DPP10: variants seen among roughly 807,000 people sequenced by gnomAD.
DPP10 encodes dipeptidyl peptidase like 10, also known as inactive dipeptidyl peptidase 10.
In DPP10, 33 loss-of-function variants were observed where a neutral mutation model predicts 120.9. That is an observed-to-expected ratio of 0.27 (90% CI 0.21 to 0.37). The LOEUF (loss-of-function observed/expected upper bound fraction) is 0.37, where lower values mean the gene tolerates loss of function less well. Among genes scored for constraint, DPP10 ranks in the 10% least tolerant of loss-of-function variants. DPP10 has a pLI of 1.00. For synonymous variants in DPP10, 337 were observed against 326.1 expected (o/e 1.03, Z -0.36); for missense variants, 816 against 942.8 (o/e 0.87, Z 1.76).
At chr2:114,980,531 G>A (rs1364466107) in intron 1 of DPP10, among the ~76,000 whole-genome samples, 6 of 149,864 alleles carry the variant, frequency 4.0e-5, no homozygotes, top group African/African-American at 9.9e-5. Context: ...AAGGGCAAGC[G>A]ATACATTAGG....
intron 7 of DPP10, among the ~76,000 whole-genome samples, chr2:115,691,514 T>A (rs2091313382): frequency 1.3e-5 from 2 of 152,174 alleles, no homozygotes; most frequent in South Asian, 4.1e-4. Context: ...AGTGTTATGC[T>A]GTACATATCC....
At chr2:114,803,300 G>A (rs1445395494) in intron 1 of DPP10, among the ~76,000 whole-genome samples, 2 of 152,138 alleles carry the variant, frequency 1.3e-5, no homozygotes, top group Non-Finnish European at 2.9e-5. Context: ...CCCATCTTGG[G>A]TATGTCTTTA....
chr2:115,088,750 C>CCAAAA (rs769249185), intron 1 of DPP10, among the ~76,000 whole-genome samples: 1 of 65,044 alleles, frequency 1.5e-5, no homozygotes, highest in African/African-American at 5.6e-5. Context: ...CTGTGCCTGA[C>CCAAAA]AAAAAAAAAA....
intron 1 of DPP10, among the ~76,000 whole-genome samples, chr2:114,505,439 C>T (rs996380128): frequency 2.0e-5 from 3 of 151,098 alleles, no homozygotes; most frequent in African/African-American, 7.3e-5. Flanking sequence ...GGGAGAGCAC[C>T]TTTCTCAAAT....
At chr2:114,798,402 A>C (rs936468173) in intron 1 of DPP10, among the ~76,000 whole-genome samples, 2 of 152,244 alleles carry the variant, frequency 1.3e-5, no homozygotes, top group African/African-American at 4.8e-5. Context: ...TAAAGTAATC[A>C]TACAATTTAA....
At chr2:115,507,114 C>T (rs1019202887) in intron 4 of DPP10, among the ~76,000 whole-genome samples, 4 of 152,040 alleles carry the variant, frequency 2.6e-5, no homozygotes, top group African/African-American at 9.7e-5. Context: ...TACTCTACTT[C>T]TCTTCTTTCC....
At chr2:115,219,437 C>T (rs771905651) in intron 1 of DPP10, among the ~76,000 whole-genome samples, 1 of 152,128 alleles carries the variant, frequency 6.6e-6, no homozygotes, top group Non-Finnish European at 1.5e-5. Flanking sequence ...TGTATACACA[C>T]ACACAAACAC....
chr2:114,718,033 G>A (rs1484562491), intron 1 of DPP10, among the ~76,000 whole-genome samples: 5 of 151,272 alleles, frequency 3.3e-5, no homozygotes, highest in Non-Finnish European at 7.4e-5. Context: ...CTCTTTCTAT[G>A]TTTCTGGAAA....
intron 3 of DPP10, among the ~76,000 whole-genome samples, chr2:115,388,872 A>G (rs770216147): frequency 6.6e-5 from 10 of 152,188 alleles, no homozygotes; most frequent in Non-Finnish European, 1.3e-4. Context: ...CAATAGTCCA[A>G]AAAATACACA....
intron 1 of DPP10, among the ~76,000 whole-genome samples, chr2:114,556,491 G>A (rs1050967669): frequency 1.3e-5 from 2 of 151,796 alleles, no homozygotes; most frequent in South Asian, 4.2e-4. Context: ...AGGGAATTTG[G>A]AGGACACAAG....
At chr2:115,116,527 T>C (rs1222048618) in intron 1 of DPP10, among the ~76,000 whole-genome samples, 1 of 152,200 alleles carries the variant, frequency 6.6e-6, no homozygotes, top group Non-Finnish European at 1.5e-5. Flanking sequence ...GTGATGTGCA[T>C]ATTTCCAAGA....
At chr2:115,533,366 C>T (rs999107461) in intron 5 of DPP10, among the ~76,000 whole-genome samples, 5 of 152,014 alleles carry the variant, frequency 3.3e-5, no homozygotes, top group African/African-American at 7.2e-5. Context: ...CCTCTAAATT[C>T]GATGCTCTGC....
chr2:115,750,212 T>C (rs1404801830), intron 10 of DPP10: 1 of 984,950 alleles, frequency 1.0e-6, no homozygotes, highest in African/African-American at 1.7e-5. Context: ...GCTTCCCTAC[T>C]CCCTCATTCA....
chr2:115,214,137 TGGCCTGGAGA>T (rs2056678302), intron 1 of DPP10, among the ~76,000 whole-genome samples: 1 of 152,196 alleles, frequency 6.6e-6, no homozygotes, highest in Non-Finnish European at 1.5e-5. Context: ...ATGCGGCCAG[TGGCCTGGAGA>T]GTGCCATGCA....
At chr2:115,339,147 C>T (rs1282321192) in intron 2 of DPP10, among the ~76,000 whole-genome samples, 4 of 151,996 alleles carry the variant, frequency 2.6e-5, no homozygotes, top group African/African-American at 4.8e-5. Context: ...AGAAAGTGGG[C>T]GAATGACATG....
At chr2:115,078,454 A>G (rs1707972939) in intron 1 of DPP10, among the ~76,000 whole-genome samples, 1 of 152,242 alleles carries the variant, frequency 6.6e-6, no homozygotes, top group African/African-American at 2.4e-5. Context: ...AGAAAATATC[A>G]TCACATCAGT....
chr2:114,944,009 G>A (rs1289622169), intron 1 of DPP10, among the ~76,000 whole-genome samples: 2 of 151,872 alleles, frequency 1.3e-5, no homozygotes, highest in African/African-American at 4.8e-5. Flanking sequence ...TAGTTAGCTT[G>A]GTTTTTTATC....
At chr2:115,213,785 A>T (rs1356644007) in intron 1 of DPP10, among the ~76,000 whole-genome samples, 1 of 152,128 alleles carries the variant, frequency 6.6e-6, no homozygotes, top group African/African-American at 2.4e-5. Context: ...CAGGTATCTG[A>T]TTCCTAAGTA....
chr2:115,617,355 A>G (rs1294868480), intron 5 of DPP10, among the ~76,000 whole-genome samples: 1 of 148,882 alleles, frequency 6.7e-6, no homozygotes, highest in African/African-American at 2.4e-5. Context: ...AAACATGTAT[A>G]CATATATATT....
Sources: gnomAD v4.1 joint callset for allele counts (sites outside exome capture counted in the v4.1 genomes callset) on GRCh38, gnomAD v4.1.1 for gene constraint, MANE v1.5 for transcripts, NCBI Gene and HGNC (gene_info 2026-07-23, HGNC 2026-07-21) for gene names.